PLEKHG4B: variants seen among roughly 807,000 people sequenced by gnomAD.
PLEKHG4B encodes the protein pleckstrin homology domain-containing family G member 4B.
Under a neutral mutation model 121.3 loss-of-function variants are expected in PLEKHG4B, and 111 were observed. That is an observed-to-expected ratio of 0.92 (90% CI 0.78 to 1.07). PLEKHG4B has a LOEUF of 1.07. Among genes scored for constraint, PLEKHG4B ranks in the 50% least tolerant of loss-of-function variants. The pLI, the probability that PLEKHG4B is intolerant of heterozygous loss-of-function variation, is 0.00. For synonymous variants in PLEKHG4B, 738 were observed against 725.0 expected (o/e 1.02, Z -0.29); for missense variants, 1,831 against 1,757.8 (o/e 1.04, Z -0.74).
intron 11 of PLEKHG4B, among the ~76,000 whole-genome samples, chr5:158,317 C>T (rs1735865359): frequency 7.2e-6 from 1 of 138,190 alleles, no homozygotes; most frequent in Non-Finnish European, 1.6e-5. Context: ...CATCTCCTCT[C>T]CTCCCTCTGC....
Position 186,286 on chromosome 5 carries a change from G to T in PLEKHG4B, c.*3963G>T, listed in dbSNP as rs1472421914. 3 of 152,266 alleles carry T rather than the reference G, an allele frequency of 2.0e-5. No individual in the cohort carries two copies. In the East Asian group the frequency reaches 5.8e-4, roughly 29 times the overall value. 9.4% of individuals were successfully genotyped at this position (152,266 alleles called of 1,614,324 possible). On this transcript the variant is annotated 3_prime_UTR_variant, in exon 20 of 20. Coordinates refer to ENST00000637938, the MANE Select transcript of PLEKHG4B (RefSeq NM_052909.5). The stretch of plus-strand genomic sequence containing the variant: ...GGGATTTGGCTCTGATTTCCAGAAG[G>T]CAGGGTTAGGAAACACCTGTTTCCA...
At position 140,274 on chromosome 5, in the gene PLEKHG4B, T is replaced by C. The variant is rs535931176; in HGVS notation, c.1035T>C (p.Cys345=). ...SRRRPPGDPT[C]VQPRRWFRES... is the part of the protein sequence containing the mutation. ...GGCGGCCGCCGGGGGACCCCACTTG[T>C]GTGCAGCCTAGACGCTGGTTCAGGG... is the stretch of plus-strand genomic sequence containing the variant. The change falls in exon 3 of 20, where the codon TGT becomes TGC. Residue 345 remains cysteine (C), a synonymous_variant. Coordinates refer to ENST00000637938, the MANE Select transcript of PLEKHG4B (RefSeq NM_052909.5). 13 of 1,460,442 alleles carry C rather than the reference T, an allele frequency of 8.9e-6. No homozygotes were observed. In the Admixed American group the frequency reaches 3.0e-4, roughly 34 times the overall value. 90.5% of individuals were successfully genotyped at this position (1,460,442 alleles called of 1,614,324 possible).
At position 133,591 on chromosome 5, in the gene PLEKHG4B, T is replaced by C. The variant is rs112283613; in HGVS notation, c.244-5892T>C. 3.0e-3 allele frequency among the ~76,000 whole-genome samples: 460 copies of C among 152,238 alleles called. 1 individual carries two copies. Among genetic ancestry groups the C allele is most frequent in the African/African-American group, 0.01 (416 of 41,546 alleles). On this transcript the variant is annotated intron_variant, in intron 2 of 19. Coordinates refer to ENST00000637938, the MANE Select transcript of PLEKHG4B (RefSeq NM_052909.5). ...TCAGAACCACAATGTGATACCACCT[T>C]ATCATGCAGGAATGGCCATAATGAA...
rs748633471 is a variant in PLEKHG4B, at chr5:156,833, G to A, written c.2409G>A (p.Leu803=). ...GAGTGGATGAGGAGGTGCACAGGCT[G>A]GTCCTCACCTCGAACAATCGTCTCC... The part of the protein sequence containing the change: ...YDRVDEEVHR[L]VLTSNNRLQQ... The change falls in exon 11 of 20, where the codon CTG becomes CTA. Residue 803 remains leucine, a synonymous_variant. Transcript: ENST00000637938. The surrounding 1 kb of genome is among the most constrained non-coding windows in gnomAD (Gnocchi z 4.4). 5 of 1,598,188 alleles carry A rather than the reference G, an allele frequency of 3.1e-6. No individual in the cohort carries two copies. The Admixed American group carries it at 6.9e-5, about 22-fold the overall frequency.
intron 2 of PLEKHG4B, among the ~76,000 whole-genome samples, chr5:120,399 GGAGA>G (rs770132686): frequency 1.4e-4 from 21 of 152,090 alleles, no homozygotes; most frequent in Non-Finnish European, 4.4e-5. Flanking sequence ...GACTCCCCCT[GGAGA>G]GAGAGAGATG....
intron 12 of PLEKHG4B, among the ~76,000 whole-genome samples, chr5:162,346 C>T (rs1736043712): frequency 6.6e-6 from 1 of 152,196 alleles, no homozygotes; most frequent in Admixed American, 6.5e-5. Context: ...GGCCAGAGGC[C>T]ACGGAGCTCA....
rs199509735 is a variant in PLEKHG4B, at chr5:182,063, C to T, written c.4624C>T (p.Arg1542Ter). ...SSSDHAAPFKRPHSTISDSST... is the reference protein window; with the variant it reads ...SSSDHAAPFK ...CTCTGACCACGCCGCCCCCTTCAAGCGACCACACTCCACCATCTCAGACAG... is the reference window on the plus strand; with the variant it reads ...CTCTGACCACGCCGCCCCCTTCAAGTGACCACACTCCACCATCTCAGACAG... The change falls in exon 20 of 20, where the codon CGA (arginine) becomes TGA (stop). Residue 1542 changes from arginine (R) to a stop codon, truncating the protein, a stop_gained. Coordinates refer to ENST00000637938, the MANE Select transcript of PLEKHG4B (RefSeq NM_052909.5). LOFTEE classifies it low-confidence loss of function (END_TRUNC). The T allele has an allele frequency of 4.3e-6, 7 of 1,614,160 alleles. No individual in the cohort carries two copies. Among genetic ancestry groups the T allele is most frequent in the East Asian group, 2.2e-5 (1 of 44,890 alleles).
chr5:100,451 C>A (rs71584266), intron 1 of PLEKHG4B, among the ~76,000 whole-genome samples: 1 of 85,876 alleles, frequency 1.2e-5, no homozygotes, highest in African/African-American at 5.6e-5. Flanking sequence ...CTGGAAAAAG[C>A]CTGTAGGGGA....
At chr5:171,514 G>T in intron 16 of PLEKHG4B, 70 bp downstream of exon 16, 1 of 1,382,240 alleles carries the variant, frequency 7.2e-7, no homozygotes, top group Non-Finnish European at 9.8e-7. Context: ...GAAAGTCTTG[G>T]CCCCAGCAGC....
At chr5:108,949 C>T (rs1444854404) in intron 1 of PLEKHG4B, among the ~76,000 whole-genome samples, 1 of 152,174 alleles carries the variant, frequency 6.6e-6, no homozygotes, top group African/African-American at 2.4e-5. Flanking sequence ...TCCTGATGGG[C>T]CTGAATGGCT....
In PLEKHG4B at chr5:143,157, G is replaced by C. The variant is rs1735283601; in HGVS notation, c.1588G>C (p.Gly530Arg). ...PARQPHPEQE[G>R]WPPGTGDFPS... is the part of the protein sequence containing the mutation. Reference sequence around the variant, plus strand: ...CCGGCAGCCACACCCCGAGCAAGAAGGGTGGCCACCCGGCACAGGAGACTT... The same window carrying C: ...CCGGCAGCCACACCCCGAGCAAGAACGGTGGCCACCCGGCACAGGAGACTT... The change falls in exon 4 of 20, where the codon GGG (glycine) becomes CGG (arginine). Residue 530 changes from glycine (G) to arginine (R), a missense_variant. By Grantham distance (125) the Gly-to-Arg change is moderately radical. Coordinates refer to ENST00000637938, the MANE Select transcript of PLEKHG4B (RefSeq NM_052909.5). The C allele has an allele frequency of 6.2e-7, 1 of 1,612,418 alleles. No individual in the cohort carries two copies. The highest frequency in any genetic ancestry group is 8.5e-7 in the Non-Finnish European group (1 of 1,180,000).
chr5:96,328 T>G (rs1479850275), intron 1 of PLEKHG4B, among the ~76,000 whole-genome samples: 2 of 152,044 alleles, frequency 1.3e-5, no homozygotes, highest in African/African-American at 2.4e-5. Context: ...GAGATGGAGA[T>G]TTTTCTAGAA....
rs534580568 is a variant in PLEKHG4B, at chr5:110,283, T to C, written c.46-2968T>C. Among the ~76,000 whole-genome samples, 457 of 143,122 alleles carry C rather than the reference T, an allele frequency of 3.2e-3. 2 individuals carry two copies. The highest frequency in any genetic ancestry group is 5.2e-3 in the Non-Finnish European group (344 of 66,670). The allele number at this position is 143,122 out of a possible 152,430, so 93.9% of individuals were successfully genotyped here. ...ACATCCACACAATCTGCAACACACA[T>C]GCATACACCCACACAATCTGCAACA... On this transcript the variant is annotated intron_variant, in intron 1 of 19. Transcript: ENST00000637938.
At chr5:135,407 T>G (rs1579270656) in intron 2 of PLEKHG4B, among the ~76,000 whole-genome samples, 1 of 150,568 alleles carries the variant, frequency 6.6e-6, no homozygotes, top group East Asian at 2.0e-4. Flanking sequence ...TGGCTCACGC[T>G]TGCAATGCCA....
rs1735809741 is a variant in PLEKHG4B at position 157,093 on chromosome 5, T to C, written c.2487+182T>C. 1 of 937,768 alleles carries C rather than the reference T, an allele frequency of 1.1e-6. No homozygotes were observed. The highest frequency in any genetic ancestry group is 1.6e-6 in the Non-Finnish European group (1 of 623,698). The allele number at this position is 937,768 out of a possible 1,614,324, so 58.1% of individuals were successfully genotyped here. ...GTAAAAAGAAATAAATTTTATTTTT[T>C]ACGTGAGAGATACTGGATCAGTGGA... is the stretch of plus-strand genomic sequence containing the variant. On this transcript the variant is annotated intron_variant, in intron 11 of 19. Coordinates refer to ENST00000637938, the MANE Select transcript of PLEKHG4B (RefSeq NM_052909.5). This position sits in a 1 kb window ranked among gnomAD's most constrained non-coding sequence, Gnocchi z 4.6.
At chr5:144,556 A>G (rs1735339685) in intron 5 of PLEKHG4B, among the ~76,000 whole-genome samples, 1 of 152,182 alleles carries the variant, frequency 6.6e-6, no homozygotes, top group Non-Finnish European at 1.5e-5. Context: ...ATCCAGGAGC[A>G]TTGGTGGGTG....
At chr5:128,858 G>C (rs903925359) in intron 2 of PLEKHG4B, among the ~76,000 whole-genome samples, 4 of 152,072 alleles carry the variant, frequency 2.6e-5, no homozygotes, top group Admixed American at 2.6e-4. Context: ...CCTCTCCCTT[G>C]GCCAAGGAGA....
intron 1 of PLEKHG4B, among the ~76,000 whole-genome samples, chr5:99,213 T>TA (rs1733729514): frequency 7.7e-6 from 1 of 129,256 alleles, no homozygotes; most frequent in Admixed American, 7.8e-5. Context: ...TATATATATA[T>TA]TTTGCGATTT....
chr5:99,517 T>C (rs1282948126), intron 1 of PLEKHG4B, among the ~76,000 whole-genome samples: 2 of 152,090 alleles, frequency 1.3e-5, no homozygotes, highest in African/African-American at 4.8e-5. Flanking sequence ...AATGGAATCA[T>C]TTTCTTAATT....
Sources: gnomAD v4.1 joint callset for allele counts (sites outside exome capture counted in the v4.1 genomes callset) on GRCh38, gnomAD v4.1.1 for gene constraint, Gnocchi (gnomAD v3.1) non-coding constraint, MANE v1.5 for transcripts, NCBI Gene and HGNC (gene_info 2026-07-23, HGNC 2026-07-21) for gene names.